CDC16: variants seen among roughly 807,000 people sequenced by gnomAD.
CDC16 encodes the protein cell division cycle protein 16 homolog.
CDC16 carries 34 observed loss-of-function variants against 87.0 expected under a neutral mutation model. The ratio of observed to expected loss-of-function variants is 0.39; its 90% CI spans 0.30 to 0.52. The LOEUF is 0.52. CDC16 is among the 20% of genes least tolerant of loss of function. The probability of loss-of-function intolerance (pLI) is 0.74; values close to 1 mark genes in which losing one functional copy is unlikely to be tolerated. For missense variants in CDC16, 653 were observed against 751.9 expected (o/e 0.87, Z 1.54); for synonymous variants, 263 against 260.6 (o/e 1.01, Z -0.09).
intron 9 of CDC16, 133 bp downstream of exon 9, chr13:114,245,102 T>G: frequency 1.9e-6 from 1 of 528,302 alleles, no homozygotes; most frequent in Non-Finnish European, 3.3e-6. Context: ...ACTATAAAAG[T>G]AACAACTGGG....
intron 3 of CDC16, 124 bp downstream of exon 3, chr13:114,237,020 G>A (rs1200254996): frequency 3.7e-6 from 2 of 541,230 alleles, no homozygotes; most frequent in East Asian, 3.3e-5. Flanking sequence ...TGGATCATGA[G>A]GTCAGGAGCT....
intron 5 of CDC16, among the ~76,000 whole-genome samples, chr13:114,240,011 TAA>T (rs11322000): frequency 2.0e-5 from 3 of 149,920 alleles, no homozygotes; most frequent in African/African-American, 4.9e-5. Flanking sequence ...AATCTGGATT[TAA>T]AAAAAAAAAT....
chr13:114,238,941 G>A (rs1195272644), intron 3 of CDC16, 49 bp from the exon 4 acceptor site: 3 of 1,571,276 alleles, frequency 1.9e-6, no homozygotes, highest in South Asian at 1.2e-5. Flanking sequence ...TGAAAGTGAA[G>A]ATACATATTA....
chr13:114,259,510 T>A (rs1314313270), intron 14 of CDC16, 112 bp downstream of exon 14: 2 of 587,016 alleles, frequency 3.4e-6, no homozygotes, highest in East Asian at 6.3e-5. Flanking sequence ...ACCTGATATT[T>A]TCATAACAAG....
At chr13:114,246,502 G>A (rs1031729012) in intron 10 of CDC16, among the ~76,000 whole-genome samples, 1 of 152,210 alleles carries the variant, frequency 6.6e-6, no homozygotes, top group Non-Finnish European at 1.5e-5. Context: ...CAGGGACTGC[G>A]TCTTTAAGGA....
At chr13:114,242,078 T>C (rs2081580333) in intron 5 of CDC16, 43 bp from the exon 6 acceptor site, 1 of 1,557,400 alleles carries the variant, frequency 6.4e-7, no homozygotes, top group Non-Finnish European at 8.6e-7. Context: ...AAGTTAAGTT[T>C]AAAAGTACTG....
At chr13:114,237,648 C>G (rs2081322033) in intron 3 of CDC16, among the ~76,000 whole-genome samples, 1 of 152,088 alleles carries the variant, frequency 6.6e-6, no homozygotes, top group South Asian at 2.1e-4. Context: ...CTGTCACCTT[C>G]TTTTTCCCCC....
rs146037714 is a variant in CDC16, at chr13:114,243,325, C to T, written c.610C>T (p.Leu204=). The T allele has an allele frequency of 5.5e-5, 87 of 1,569,794 alleles. No homozygotes were observed. Among genetic ancestry groups the T allele is most frequent in the Non-Finnish European group, 7.3e-5 (83 of 1,140,302 alleles). ...TGAAGAACAGGAATTGCTGCGTTTTCTATTTGAGAACAAATTGAAAAAAGT... is the reference window on the plus strand; with the variant it reads ...TGAAGAACAGGAATTGCTGCGTTTTTTATTTGAGAACAAATTGAAAAAAGT... ...CNEEQELLRF[L]FENKLKKYNK... Residue 204 remains leucine (L), a synonymous_variant, in exon 7 of 18, where the codon CTA becomes TTA. Transcript: ENST00000356221.
intron 11 of CDC16, among the ~76,000 whole-genome samples, chr13:114,249,025 CT>C (rs1315791256): frequency 2.0e-5 from 3 of 151,784 alleles, no homozygotes; most frequent in South Asian, 2.1e-4. Flanking sequence ...TTATCGTGTG[CT>C]TTTTTCTATT....
chr13:114,268,795 A>G (rs1306479522), intron 17 of CDC16, among the ~76,000 whole-genome samples: 1 of 152,234 alleles, frequency 6.6e-6, no homozygotes, highest in East Asian at 1.9e-4. Context: ...CCTAAGCAGC[A>G]GAGTGAAAAC....
chr13:114,257,246 C>T lies in CDC16; in HGVS notation c.1250+16C>T. The stretch of plus-strand genomic sequence containing the variant: ...AGAATGGAGAGTAAGTACTGGAAGA[C>T]CAGAAACCCTTCTGTTAACTAGTGA... On this transcript the variant is annotated intron_variant, in intron 13 of 17. Transcript: ENST00000356221. The T allele has an allele frequency of 6.3e-7, 1 of 1,583,838 alleles. No homozygotes were observed. Among genetic ancestry groups the T allele is most frequent in the Non-Finnish European group, 8.6e-7 (1 of 1,159,150 alleles).
In CDC16 at chr13:114,265,189, A is replaced by G. The variant is rs1304103897; in HGVS notation, c.1552A>G (p.Met518Val). The part of the protein sequence containing the change: ...LRRDDTFSVT[M>V]LGHCIEMYIG... ...GCGAGATGATACATTTTCTGTTACA[A>G]TGCTTGGTCATTGCATCGAAATGTA... Residue 518 changes from methionine to valine, a missense_variant, in exon 17 of 18, where the codon ATG becomes GTG. Met to Val is a conservative substitution (Grantham distance 21). Coordinates refer to ENST00000356221, the MANE Select transcript of CDC16 (RefSeq NM_001078645.3). The G allele has an allele frequency of 2.5e-6, 4 of 1,612,616 alleles. No homozygotes were observed. The highest frequency in any genetic ancestry group is 2.2e-5 in the East Asian group (1 of 44,868).
intron 13 of CDC16, 53 bp downstream of exon 13, chr13:114,257,283 G>A (rs1030829292): frequency 8.2e-7 from 1 of 1,212,844 alleles, no homozygotes; most frequent in Non-Finnish European, 1.1e-6. Context: ...TGTAAATACA[G>A]TAGGTGATCA....
At chr13:114,237,624 G>A (rs1025433314) in intron 3 of CDC16, among the ~76,000 whole-genome samples, 3 of 152,074 alleles carry the variant, frequency 2.0e-5, no homozygotes, top group Non-Finnish European at 2.9e-5. Context: ...AAGGGAAAAT[G>A]TCTTATACCT....
intron 17 of CDC16, 75 bp downstream of exon 17, chr13:114,265,315 A>C (rs2083133702): frequency 1.2e-4 from 111 of 941,754 alleles, no homozygotes; most frequent in East Asian, 3.0e-4. Flanking sequence ...TATGTTTCTC[A>C]TATTCTCGTC....
intron 17 of CDC16, among the ~76,000 whole-genome samples, chr13:114,268,136 G>A (rs78532506): frequency 2.1e-5 from 3 of 145,004 alleles, no homozygotes; most frequent in East Asian, 3.9e-4. Flanking sequence ...AAAGGGAAAG[G>A]GGGGGGAGTT....
rs1244815513 is a variant in CDC16 at position 114,242,092 on chromosome 13, T to C, written c.382-29T>C. ...AAAGTTAAGTTTAAAAGTACTGACT[T>C]AATATGTGACTCATCATTTTTCCAA... On this transcript the variant is annotated intron_variant, in intron 5 of 17. Coordinates refer to ENST00000356221, the MANE Select transcript of CDC16 (RefSeq NM_001078645.3). 3 of 1,581,120 alleles carry C rather than the reference T, an allele frequency of 1.9e-6. No individual in the cohort carries two copies. The Admixed American group carries it at 5.9e-5, about 31-fold the overall frequency.
At chr13:114,258,109 AGT>A (rs1282613817) in intron 13 of CDC16, among the ~76,000 whole-genome samples, 2 of 152,196 alleles carry the variant, frequency 1.3e-5, no homozygotes, top group Non-Finnish European at 2.9e-5. Flanking sequence ...ATACTACTAC[AGT>A]GTCATTTATG....
intron 12 of CDC16, among the ~76,000 whole-genome samples, chr13:114,252,282 A>G (rs1433198304): frequency 1.3e-5 from 2 of 152,010 alleles, no homozygotes; most frequent in African/African-American, 2.4e-5. Flanking sequence ...GCCCTGTTGG[A>G]TAAGAGCTTT....
Sources: allele counts gnomAD v4.1 joint callset (sites outside exome capture counted in the v4.1 genomes callset), GRCh38; gene constraint gnomAD v4.1.1; transcripts MANE v1.5; gene names NCBI Gene and HGNC (gene_info 2026-07-23, HGNC 2026-07-21).